GPHN: variants seen among roughly 807,000 people sequenced by gnomAD.
GPHN encodes the protein gephyrin.
A neutral mutation model predicts 95.5 loss-of-function variants in GPHN; 17 were observed. That is an observed-to-expected ratio of 0.18 (90% CI 0.12 to 0.27). GPHN has a LOEUF of 0.27. Among genes scored for constraint, GPHN ranks in the 10% least tolerant of loss-of-function variants. GPHN has a pLI of 1.00. For synonymous variants in GPHN, 320 were observed against 322.5 expected (o/e 0.99, Z 0.08); for missense variants, 660 against 978.1 (o/e 0.67, Z 4.34).
the GPHN span, among the ~76,000 whole-genome samples, chr14:67,255,039 C>A: frequency 7.2e-5 from 11 of 152,156 alleles, no homozygotes; most frequent in Non-Finnish European, 1.2e-4. Flanking sequence ...GTCCCAGCTA[C>A]TCAGGAGGCT....
the GPHN span, among the ~76,000 whole-genome samples, chr14:67,622,984 C>T: frequency 6.6e-6 from 1 of 152,202 alleles, no homozygotes; most frequent in Admixed American, 6.5e-5. Context: ...GGAAGCCATT[C>T]TCCTGTAAAT....
intron 2 of GPHN, among the ~76,000 whole-genome samples, chr14:66,685,561 G>T (rs1034704146): frequency 1.3e-5 from 2 of 152,216 alleles, no homozygotes; most frequent in Non-Finnish European, 2.9e-5. Flanking sequence ...TCTGAGAAGT[G>T]TCTGTTCATA....
At chr14:66,766,684 A>G (rs2058972846) in intron 2 of GPHN, among the ~76,000 whole-genome samples, 1 of 152,130 alleles carries the variant, frequency 6.6e-6, no homozygotes, top group Non-Finnish European at 1.5e-5. Flanking sequence ...ATACTGATTG[A>G]GAATTTTGTA....
At chr14:66,980,974 G>A (rs559772468) in intron 9 of GPHN, among the ~76,000 whole-genome samples, 145 of 152,258 alleles carry the variant, frequency 9.5e-4, no homozygotes, top group African/African-American at 3.3e-3. Context: ...ACTTGAACCC[G>A]GGAGGCAGAG....
intron 11 of GPHN, among the ~76,000 whole-genome samples, chr14:67,067,677 C>T (rs1415806660): frequency 1.3e-5 from 2 of 152,276 alleles, no homozygotes; most frequent in South Asian, 4.1e-4. Flanking sequence ...CCCCTCCCCC[C>T]GCCAGGCTGC....
At chr14:67,545,385 T>G in the GPHN span, among the ~76,000 whole-genome samples, 1 of 152,108 alleles carries the variant, frequency 6.6e-6, no homozygotes, top group African/African-American at 2.4e-5. Context: ...AAAGAGAGGA[T>G]AGATAATAGG....
intron 1 of GPHN, among the ~76,000 whole-genome samples, chr14:66,601,036 G>A (rs1005422745): frequency 6.6e-6 from 1 of 151,944 alleles, no homozygotes; most frequent in Non-Finnish European, 1.5e-5. Context: ...ATTGGTCATA[G>A]CAATCCTATG....
At chr14:67,654,493 A>C in the GPHN span, among the ~76,000 whole-genome samples, 2 of 152,118 alleles carry the variant, frequency 1.3e-5, no homozygotes, top group Admixed American at 1.3e-4. Context: ...AAACCCACAC[A>C]ATCTGTAAGC....
At chr14:66,821,085 T>A (rs188972273) in intron 3 of GPHN, among the ~76,000 whole-genome samples, 79 of 152,300 alleles carry the variant, frequency 5.2e-4, no homozygotes, top group African/African-American at 1.6e-3. Context: ...GACCTCTTAT[T>A]TGGTAGAGGC....
the GPHN span, among the ~76,000 whole-genome samples, chr14:67,196,401 G>A: frequency 3.3e-5 from 5 of 151,792 alleles, no homozygotes; most frequent in African/African-American, 1.2e-4. Flanking sequence ...ATTTTCAGTA[G>A]AGACAGGATT....
chr14:67,024,097 G>C (rs923531209), intron 10 of GPHN, among the ~76,000 whole-genome samples: 5 of 152,122 alleles, frequency 3.3e-5, no homozygotes, highest in Admixed American at 3.3e-4. Context: ...ATGAATTCCT[G>C]ACATATAATA....
intron 17 of GPHN, among the ~76,000 whole-genome samples, chr14:67,135,832 T>G (rs2080047066): frequency 6.6e-6 from 1 of 152,224 alleles, no homozygotes; most frequent in East Asian, 1.9e-4. Context: ...ATTGGTAGTA[T>G]GTCAGTCTCT....
chr14:67,723,103 G>A, the GPHN span, among the ~76,000 whole-genome samples: 1 of 152,214 alleles, frequency 6.6e-6, no homozygotes, highest in African/African-American at 2.4e-5. Flanking sequence ...TTGTCATGCT[G>A]TTAAGTACCA....
chr14:66,674,609 T>C (rs1403386051), intron 1 of GPHN, among the ~76,000 whole-genome samples: 2 of 152,216 alleles, frequency 1.3e-5, no homozygotes, highest in Admixed American at 6.5e-5. Flanking sequence ...TCCTCCAGGG[T>C]GATCCATATT....
intron 1 of GPHN, among the ~76,000 whole-genome samples, chr14:66,530,637 A>G (rs2058884249): frequency 6.6e-6 from 1 of 152,136 alleles, no homozygotes; most frequent in Non-Finnish European, 1.5e-5. Context: ...AGACCAAGGG[A>G]GTGTACGGTC....
chr14:67,685,817 T>C, the GPHN span, among the ~76,000 whole-genome samples: 39 of 152,250 alleles, frequency 2.6e-4, no homozygotes, highest in East Asian at 7.0e-3. Context: ...GATTTCATCA[T>C]GTTGGCCAGA....
At chr14:66,845,328 C>T (rs1313005519) in intron 4 of GPHN, among the ~76,000 whole-genome samples, 2 of 151,932 alleles carry the variant, frequency 1.3e-5, no homozygotes, top group Non-Finnish European at 2.9e-5. Context: ...ATTAATAAGT[C>T]CAAGATATGA....
intron 8 of GPHN, among the ~76,000 whole-genome samples, chr14:66,964,333 ATTG>A (rs35087303): frequency 0.038 from 5,831 of 152,222 alleles, 254 homozygotes; most frequent in African/African-American, 0.11. Flanking sequence ...AGCAGATTCT[ATTG>A]TTGTCCTCAA....
At chr14:67,477,114 C>T in the GPHN span, among the ~76,000 whole-genome samples, 7 of 151,466 alleles carry the variant, frequency 4.6e-5, no homozygotes, top group South Asian at 8.3e-4. Flanking sequence ...TGCAGTGAGT[C>T]GCGATCGCAC....
Sources: gnomAD v4.1 joint callset for allele counts (sites outside exome capture counted in the v4.1 genomes callset) on GRCh38, gnomAD v4.1.1 for gene constraint, MANE v1.5 for transcripts, NCBI Gene and HGNC (gene_info 2026-07-23, HGNC 2026-07-21) for gene names.